The following FCHO2 variants were observed in gnomAD, a reference collection of about 807,000 sequenced individuals.
FCHO2 encodes F-BAR domain only protein 2.
In FCHO2, 43 loss-of-function variants were observed where a neutral mutation model predicts 114.1. The ratio of observed to expected loss-of-function variants is 0.38; its 90% CI spans 0.30 to 0.49. FCHO2 has a LOEUF of 0.49. Among genes scored for constraint, FCHO2 ranks in the 20% least tolerant of loss-of-function variants. The probability of loss-of-function intolerance (pLI) is 0.97; values close to 1 mark genes in which losing one functional copy is unlikely to be tolerated. For missense variants in FCHO2, 807 were observed against 950.4 expected, an observed-to-expected ratio of 0.85 and a Z score of 1.98; for synonymous variants, 293 against 315.2, an observed-to-expected ratio of 0.93 and a Z score of 0.75.
chr5:73,056,625 T>C (rs1757608310), intron 16 of FCHO2, among the ~76,000 whole-genome samples: 1 of 152,154 alleles, frequency 6.6e-6, no homozygotes, highest in Non-Finnish European at 1.5e-5. Flanking sequence ...ATATGTCCTT[T>C]TACAATAAAA....
At chr5:72,973,164 T>C (rs1371526303) in intron 2 of FCHO2, among the ~76,000 whole-genome samples, 1 of 152,178 alleles carries the variant, frequency 6.6e-6, no homozygotes, top group Non-Finnish European at 1.5e-5. Context: ...TAAAATTCTC[T>C]TTTTTGGTTG....
intron 1 of FCHO2, among the ~76,000 whole-genome samples, chr5:72,962,929 A>G (rs1751954025): frequency 6.6e-6 from 1 of 152,146 alleles, no homozygotes; most frequent in Admixed American, 6.6e-5. Flanking sequence ...GAATTTTAGT[A>G]GCAATCTGGT....
chr5:73,063,923 A>G lies in FCHO2; in HGVS notation c.1428A>G (p.Lys476=). The G allele has an allele frequency of 6.2e-7, 1 of 1,610,802 alleles. No homozygotes were observed. The highest frequency in any genetic ancestry group is 8.5e-7 in the Non-Finnish European group (1 of 1,178,300). ...PASRPKLTSG[K]LSGINEIPRP... is the part of the protein sequence containing the mutation. ...CCAGACCAAAGCTTACTTCAGGCAA[A>G]CTCAGTGGGATTAATGAAATAGTAT... Residue 476 remains lysine (K), a synonymous_variant, in exon 18 of 26, where the codon AAA becomes AAG. Coordinates refer to ENST00000430046, the MANE Select transcript of FCHO2 (RefSeq NM_138782.3).
chr5:73,069,308 A>G (rs1040929950), intron 19 of FCHO2, among the ~76,000 whole-genome samples: 1 of 152,114 alleles, frequency 6.6e-6, no homozygotes, highest in African/African-American at 2.4e-5. Flanking sequence ...TTTCAGGATG[A>G]TTCAAGTGCA....
chr5:73,000,080 A>G (rs1337419511), intron 5 of FCHO2, among the ~76,000 whole-genome samples: 1 of 152,042 alleles, frequency 6.6e-6, no homozygotes, highest in African/African-American at 2.4e-5. Flanking sequence ...ATCACGGCTC[A>G]CTGTAACCTT....
intron 1 of FCHO2, among the ~76,000 whole-genome samples, chr5:72,961,357 A>G (rs1156528928): frequency 2.6e-5 from 4 of 152,274 alleles, no homozygotes; most frequent in Admixed American, 1.3e-4. Context: ...AACCCAGAAT[A>G]AAGGCTTTTC....
At chr5:72,979,319 C>T (rs115806461) in intron 2 of FCHO2, among the ~76,000 whole-genome samples, 1,889 of 148,776 alleles carry the variant, frequency 0.013, 44 homozygotes, top group African/African-American at 0.045. Flanking sequence ...GGGATTCTAC[C>T]TCTTCCTGGT....
rs1743397546 is a variant in FCHO2, at chr5:73,088,899, T to C, written c.*809T>C. 6.6e-6 allele frequency: 1 copy of C among 152,634 alleles called. No individual in the cohort carries two copies. Among genetic ancestry groups the C allele is most frequent in the Non-Finnish European group, 1.5e-5 (1 of 68,020 alleles). 9.5% of individuals were successfully genotyped at this position (152,634 alleles called of 1,614,324 possible). A position where few individuals can be genotyped will look rare whatever the true frequency, so the allele number is the denominator to read the frequency against. On this transcript the variant is annotated 3_prime_UTR_variant, in exon 26 of 26. Transcript: ENST00000430046. ...AGAGATGTGCCTATACAATTTGTGT[T>C]CATTAATGTGCCTCACTTTTTTTCT... is the stretch of plus-strand genomic sequence containing the variant.
intron 11 of FCHO2, among the ~76,000 whole-genome samples, chr5:73,045,275 C>G (rs958379780): frequency 3.3e-5 from 5 of 152,202 alleles, no homozygotes; most frequent in African/African-American, 1.2e-4. Context: ...CCTTCCTTAA[C>G]TTCTGGCAAC....
chr5:72,997,426 C>G, intron 5 of FCHO2: 2 of 1,599,952 alleles, frequency 1.3e-6, no homozygotes, highest in Non-Finnish European at 1.7e-6. Flanking sequence ...TCAAGGACCT[C>G]TCTTTGGTCC....
At chr5:73,071,922 A>G (rs1742677874) in intron 19 of FCHO2, among the ~76,000 whole-genome samples, 1 of 152,036 alleles carries the variant, frequency 6.6e-6, no homozygotes, top group African/African-American at 2.4e-5. Context: ...ATTGTTGAAA[A>G]GAATATTTAT....
At chr5:73,056,778 G>A (rs936234867) in intron 16 of FCHO2, among the ~76,000 whole-genome samples, 3 of 151,794 alleles carry the variant, frequency 2.0e-5, no homozygotes, top group Non-Finnish European at 2.9e-5. Context: ...TGACTGTGAC[G>A]TTATAAAATA....
At chr5:73,065,279 C>T (rs946425072) in intron 18 of FCHO2, among the ~76,000 whole-genome samples, 1 of 150,088 alleles carries the variant, frequency 6.7e-6, no homozygotes, top group Non-Finnish European at 1.5e-5. Context: ...TGAGTACATT[C>T]TAATAAATTG....
intron 8 of FCHO2, among the ~76,000 whole-genome samples, chr5:73,029,734 G>A (rs958915083): frequency 6.6e-6 from 1 of 152,138 alleles, no homozygotes; most frequent in Non-Finnish European, 1.5e-5. Flanking sequence ...GCAATAGTGG[G>A]AACATGAGAC....
intron 5 of FCHO2, chr5:72,997,514 A>G (rs1392142879): frequency 9.1e-6 from 13 of 1,425,178 alleles, no homozygotes; most frequent in Non-Finnish European, 1.2e-5. Flanking sequence ...GGCCATCACC[A>G]TCAAATCCTG....
Position 73,088,370 on chromosome 5 carries a change from A to T in FCHO2, c.*280A>T. 2.4e-6 allele frequency: 1 copy of T among 423,970 alleles called. No individual in the cohort carries two copies. Among genetic ancestry groups the T allele is most frequent in the Non-Finnish European group, 4.3e-6 (1 of 234,970 alleles). 26.3% of individuals were successfully genotyped at this position (423,970 alleles called of 1,614,324 possible). ...TTTTTGTAGGATTAATTTTTAAATT[A>T]TTTCCAGTGTCTATGTTGAAAAAAA... On this transcript the variant is annotated 3_prime_UTR_variant, in exon 26 of 26. Coordinates refer to ENST00000430046, the MANE Select transcript of FCHO2 (RefSeq NM_138782.3).
Position 73,078,250 on chromosome 5 carries a change from A to C in FCHO2, c.1918A>C (p.Lys640Gln). 6.3e-7 allele frequency: 1 copy of C among 1,594,276 alleles called. No individual in the cohort carries two copies. Among genetic ancestry groups the C allele is most frequent in the Non-Finnish European group, 8.5e-7 (1 of 1,169,832 alleles). Residue 640 changes from lysine to glutamine, a missense_variant, in exon 22 of 26, where the codon AAG (lysine) becomes CAG (glutamine). Transcript: ENST00000430046. The stretch of plus-strand genomic sequence containing the variant: ...CATGCAAGCTGTTACAGTCTACCTC[A>C]AGAAGCTGTCAGAGCAAAATCCAGC... Reference protein sequence around the residue: ...MNMQAVTVYLKKLSEQNPAAS... With the variant: ...MNMQAVTVYLQKLSEQNPAAS...
chr5:73,036,951 A>G lies in FCHO2; in HGVS notation c.842-192A>G, dbSNP rs557047506. Among the ~76,000 whole-genome samples, 12 of 152,334 alleles carry G rather than the reference A, an allele frequency of 7.9e-5. No homozygotes were observed. In the South Asian group the frequency reaches 2.5e-3, roughly 32 times the overall value. Reference sequence around the variant, plus strand: ...GTTCTATGATCTTTTGATAAACAATAGACTATGTTTTATTAACATAAGAAA... The same window carrying G: ...GTTCTATGATCTTTTGATAAACAATGGACTATGTTTTATTAACATAAGAAA... On this transcript the variant is annotated intron_variant, in intron 9 of 25. Coordinates refer to ENST00000430046, the MANE Select transcript of FCHO2 (RefSeq NM_138782.3).
At chr5:73,041,742 C>CAGCAACA (rs1304437402) in intron 11 of FCHO2, among the ~76,000 whole-genome samples, 14 of 152,032 alleles carry the variant, frequency 9.2e-5, no homozygotes, top group Non-Finnish European at 1.9e-4. Flanking sequence ...GAACCATGGT[C>CAGCAACA]AGTACTTTTC....
Sources: allele counts gnomAD v4.1 joint callset (sites outside exome capture counted in the v4.1 genomes callset), GRCh38; gene constraint gnomAD v4.1.1; transcripts MANE v1.5; gene names NCBI Gene and HGNC (gene_info 2026-07-23, HGNC 2026-07-21).